The following UGT1A8 variants were observed in gnomAD, a reference collection of about 807,000 sequenced individuals.
UGT1A8 encodes the protein UDP-glucuronosyltransferase 1A8.
UGT1A8 carries 39 observed loss-of-function variants against 45.3 expected under a neutral mutation model. The ratio of observed to expected loss-of-function variants is 0.86; its 90% CI spans 0.67 to 1.12. UGT1A8 has a LOEUF of 1.12. UGT1A8 is among the 50% of genes most tolerant of loss of function. The probability of loss-of-function intolerance (pLI) is 0.00; values close to 1 mark genes in which losing one functional copy is unlikely to be tolerated. For missense variants in UGT1A8, 719 were observed against 664.9 expected (o/e 1.08, Z -0.90); for synonymous variants, 275 against 249.2 (o/e 1.10, Z -0.97).
At chr2:233,712,790 T>G (rs28898600) in intron 1 of UGT1A8, among the ~76,000 whole-genome samples, 3,267 of 152,150 alleles carry the variant, frequency 0.021, 105 homozygotes, top group African/African-American at 0.073. Flanking sequence ...AAGATAGGAG[T>G]GATCGGTCTT....
chr2:233,710,897 G>C (rs541299321), intron 1 of UGT1A8, among the ~76,000 whole-genome samples: 7 of 152,296 alleles, frequency 4.6e-5, no homozygotes, highest in African/African-American at 1.7e-4. Context: ...TGTAGGTTTG[G>C]GTGGAAAGAG....
At chr2:233,716,367 TG>T (rs1364638273) in intron 1 of UGT1A8, among the ~76,000 whole-genome samples, 9 of 152,348 alleles carry the variant, frequency 5.9e-5, no homozygotes, top group African/African-American at 2.2e-4. Flanking sequence ...TTTGTGGGGC[TG>T]TGATTCTGCC....
intron 1 of UGT1A8, among the ~76,000 whole-genome samples, chr2:233,700,098 G>A (rs1027814620): frequency 1.3e-5 from 2 of 152,182 alleles, no homozygotes; most frequent in African/African-American, 4.8e-5. Context: ...TGGAGGTGTG[G>A]AGGGCAGCAA....
At position 233,772,407 on chromosome 2, in the gene UGT1A8, T is replaced by C. The variant is rs770903084; in HGVS notation, c.1441T>C (p.Tyr481His). The C allele has an allele frequency of 7.5e-5, 121 of 1,614,104 alleles. No individual in the cohort carries two copies. Among genetic ancestry groups the C allele is most frequent in the Non-Finnish European group, 9.9e-5 (117 of 1,180,046 alleles). ...CCCCGCAGCCCACGACCTCACCTGG[T>C]ACCAGTACCATTCCTTGGACGTGAT... The part of the protein sequence containing the change: ...LRPAAHDLTW[Y>H]QYHSLDVIGF... Residue 481 changes from tyrosine to histidine, a missense_variant, in exon 5 of 5, where the codon TAC becomes CAC. Transcript: ENST00000373450.
In UGT1A8 at chr2:233,617,873, G is replaced by A. The variant is rs200702683; in HGVS notation, c.166G>A (p.Val56Ile). ...ACTTATCCTCAGGGGGCATGAGGTG[G>A]TTGTAGTCATGCCAGAGGTGAGTTG... Reference protein sequence around the residue: ...EKLILRGHEVVVVMPEVSWQL... With the variant: ...EKLILRGHEVIVVMPEVSWQL... The change falls in exon 1 of 5, where the codon GTT becomes ATT. Residue 56 changes from valine (V) to isoleucine (I), a missense_variant. By Grantham distance (29) the Val-to-Ile change is conservative. Transcript: ENST00000373450. 423 of 1,614,144 alleles carry A rather than the reference G, an allele frequency of 2.6e-4. No homozygotes were observed. Among genetic ancestry groups the A allele is most frequent in the Non-Finnish European group, 6.7e-5 (79 of 1,180,032 alleles).
At chr2:233,721,428 G>A (rs2076944672) in intron 1 of UGT1A8, 1 of 157,010 alleles carries the variant, frequency 6.4e-6, no homozygotes, top group South Asian at 1.9e-4. Flanking sequence ...TAAGCATTGT[G>A]GTTTTAATGT....
Position 233,712,946 on chromosome 2 carries a change from G to C in UGT1A8, c.856-54088G>C, listed in dbSNP as rs541299523. The C allele has an allele frequency of 5.3e-5, 86 of 1,612,678 alleles. 1 individual carries two copies. In the South Asian group the frequency reaches 8.8e-4, roughly 16 times the overall value. On this transcript the variant is annotated intron_variant, in intron 1 of 4. Coordinates refer to ENST00000373450, the MANE Select transcript of UGT1A8 (RefSeq NM_019076.5). ...TAAGACGAAGGAAACAATTCTAGGA[G>C]GCACAACGTGGGGTGGACAGTCAGC...
rs1379910572 is a variant in UGT1A8 at position 233,693,554 on chromosome 2, A to G, written c.856-73480A>G. 5 of 1,614,194 alleles carry G rather than the reference A, an allele frequency of 3.1e-6. No homozygotes were observed. The East Asian group carries it at 1.1e-4, about 36-fold the overall frequency. On this transcript the variant is annotated intron_variant, in intron 1 of 4. Transcript: ENST00000373450. ...GTGTTCCCTGGAGCATACATTCAGCAGAAGCCCAGACCCTGTGTCCTACAT... is the reference window on the plus strand; with the variant it reads ...GTGTTCCCTGGAGCATACATTCAGCGGAAGCCCAGACCCTGTGTCCTACAT...
intron 1 of UGT1A8, among the ~76,000 whole-genome samples, chr2:233,619,063 C>G (rs1051163751): frequency 6.6e-6 from 1 of 151,968 alleles, no homozygotes; most frequent in Non-Finnish European, 1.5e-5. Context: ...GTTTTCTGAC[C>G]CCTAGAGGAA....
At chr2:233,681,795 T>C (rs2074539894) in intron 1 of UGT1A8, 2 of 1,471,396 alleles carry the variant, frequency 1.4e-6, no homozygotes, top group East Asian at 2.3e-5. Context: ...GAGTAAATCA[T>C]TGGCAGTGAA....
intron 1 of UGT1A8, among the ~76,000 whole-genome samples, chr2:233,624,648 A>G (rs1197125474): frequency 6.6e-6 from 1 of 151,912 alleles, no homozygotes; most frequent in Non-Finnish European, 1.5e-5. Flanking sequence ...TTTTTTTCAA[A>G]TTGTTTTTGC....
chr2:233,713,640 C>T, intron 1 of UGT1A8: 1 of 1,613,940 alleles, frequency 6.2e-7, no homozygotes. Flanking sequence ...CATGCTCTAC[C>T]CTCTGGCCCT....
chr2:233,723,516 CTT>C lies in UGT1A8; in HGVS notation c.856-43499_856-43498del, dbSNP rs1162916866. ...TGAGCCACTGCACCTGGTCAACAATCTTTTTTTTTTTTTTTTTTTTAATTTAT... is the reference window on the plus strand; with the variant it reads ...TGAGCCACTGCACCTGGTCAACAATCTTTTTTTTTTTTTTTTTTAATTTAT... On this transcript the variant is annotated intron_variant, in intron 1 of 4. Coordinates refer to ENST00000373450, the MANE Select transcript of UGT1A8 (RefSeq NM_019076.5). Among the ~76,000 whole-genome samples, 162 of 85,388 alleles carry C rather than the reference CTT, an allele frequency of 1.9e-3. 4 individuals are homozygous for C. The highest frequency in any genetic ancestry group is 7.1e-3 in the African/African-American group (146 of 20,564). The allele number at this position is 85,388 out of a possible 152,430, so 56.0% of individuals were successfully genotyped here.
Position 233,713,826 on chromosome 2 carries a change from A to G in UGT1A8, c.856-53208A>G, listed in dbSNP as rs973354070. 6.2e-6 allele frequency: 10 copies of G among 1,613,990 alleles called. No individual in the cohort carries two copies. The African/African-American group carries it at 1.3e-4, about 22-fold the overall frequency. ...GCCCAACATGGTCTTCATTGGGGGC[A>G]TCAACTGTGCCAACGGGAAGCCACT... is the stretch of plus-strand genomic sequence containing the variant. On this transcript the variant is annotated intron_variant, in intron 1 of 4. Coordinates refer to ENST00000373450, the MANE Select transcript of UGT1A8 (RefSeq NM_019076.5).
In UGT1A8 at chr2:233,772,556, T is replaced by C; in HGVS notation, c.1590T>C (p.His530=). ...AGAAAGCCCACAAATCCAAGACCCA[T>C]TGAGAAGTGGGTGGGAAATAAGGTA... is the stretch of plus-strand genomic sequence containing the variant. ...RVKKAHKSKT[H] The change falls in exon 5 of 5, where the codon CAT becomes CAC. Residue 530 remains histidine, a synonymous_variant. Transcript: ENST00000373450. 2.5e-6 allele frequency: 4 copies of C among 1,613,872 alleles called. No homozygotes were observed. The highest frequency in any genetic ancestry group is 2.7e-5 in the African/African-American group (2 of 75,014).
intron 1 of UGT1A8, chr2:233,712,880 A>G (rs1299696609): frequency 5.6e-6 from 9 of 1,597,918 alleles, no homozygotes; most frequent in Admixed American, 1.7e-5. Flanking sequence ...TCTGTCTTCA[A>G]TTACATGTTG....
At chr2:233,680,054 A>G (rs973243636) in intron 1 of UGT1A8, among the ~76,000 whole-genome samples, 47 of 150,760 alleles carry the variant, frequency 3.1e-4, no homozygotes, top group African/African-American at 1.0e-3. Context: ...TTCTTTTGCA[A>G]TGGTCCTTAT....
chr2:233,713,411 C>G (rs1475467341), intron 1 of UGT1A8: 6 of 1,614,112 alleles, frequency 3.7e-6, no homozygotes, highest in Non-Finnish European at 5.1e-6. Flanking sequence ...TGATCAGGCA[C>G]CTGCATGCTA....
intron 1 of UGT1A8, among the ~76,000 whole-genome samples, chr2:233,631,664 C>T (rs948508235): frequency 7.9e-5 from 12 of 152,056 alleles, no homozygotes; most frequent in East Asian, 5.8e-4. Flanking sequence ...TCATATCCTT[C>T]GACCGCTTTT....
Sources: allele counts gnomAD v4.1 joint callset (sites outside exome capture counted in the v4.1 genomes callset), GRCh38; gene constraint gnomAD v4.1.1; transcripts MANE v1.5; gene names NCBI Gene and HGNC (gene_info 2026-07-23, HGNC 2026-07-21).